PPP6R2: variants seen among roughly 807,000 people sequenced by gnomAD.
The protein encoded by PPP6R2 is protein phosphatase 6 regulatory subunit 2.
In PPP6R2, 62 loss-of-function variants were observed where a neutral mutation model predicts 100.2. The ratio of observed to expected loss-of-function variants is 0.62; its 90% CI spans 0.50 to 0.76. The LOEUF (loss-of-function observed/expected upper bound fraction) is 0.76, where lower values mean the gene tolerates loss of function less well. Ranked by LOEUF, PPP6R2 falls within the 30% of genes least tolerant of loss-of-function variation. The probability of loss-of-function intolerance (pLI) is 0.00; values close to 1 mark genes in which losing one functional copy is unlikely to be tolerated. For synonymous variants in PPP6R2, 525 were observed against 514.7 expected (o/e 1.02, Z -0.27); for missense variants, 1,142 against 1,276.3 (o/e 0.89, Z 1.60).
At chr22:50,354,198 A>G (rs2045947555) in intron 1 of PPP6R2, among the ~76,000 whole-genome samples, 5 of 152,072 alleles carry the variant, frequency 3.3e-5, no homozygotes, top group African/African-American at 9.7e-5. Context: ...CCAGCTACTC[A>G]GGAGGCTGAG....
intron 18 of PPP6R2, 40 bp from the exon 19 acceptor site, chr22:50,438,559 G>A (rs201126502): frequency 9.8e-5 from 157 of 1,608,476 alleles, no homozygotes; most frequent in Admixed American, 1.2e-4. Flanking sequence ...TTAGGCGTCC[G>A]TCCTGGGCCA....
At position 50,438,775 on chromosome 22, in the gene PPP6R2, G is replaced by A. The variant is rs781267668; in HGVS notation, c.2128+13G>A. On this transcript the variant is annotated intron_variant, in intron 19 of 23. Transcript: ENST00000612753. ...GGTGACTCAGAAGGTGGTGCTGGGC[G>A]CCAGGGGCTGGGAGTGTGGGTATCG... 1.8e-5 allele frequency: 28 copies of A among 1,580,134 alleles called. No homozygotes were observed. The highest frequency in any genetic ancestry group is 1.7e-4 in the Middle Eastern group (1 of 6,004).
Position 50,394,068 on chromosome 22 carries a change from A to T in PPP6R2, c.160A>T (p.Met54Leu), listed in dbSNP as rs773718006. The change falls in exon 3 of 24, where the codon ATG (methionine) becomes TTG (leucine). Residue 54 changes from methionine (M) to leucine (L), a missense_variant. Around this residue, in one of 2 missense-constraint regions of PPP6R2, gnomAD observed 592 missense variants for 758.9 expected, o/e 0.78. Transcript: ENST00000612753. ...LLDFLCRQQC[M>L]EELVSLITQD... Reference sequence around the variant, plus strand: ...GGACTTCCTGTGCAGGCAGCAGTGCATGGAGGAGCTGGTGAGCCTCATCAC... The same window carrying T: ...GGACTTCCTGTGCAGGCAGCAGTGCTTGGAGGAGCTGGTGAGCCTCATCAC... The T allele has an allele frequency of 6.2e-7, 1 of 1,614,204 alleles. No homozygotes were observed. The highest frequency in any genetic ancestry group is 8.5e-7 in the Non-Finnish European group (1 of 1,180,032).
Position 50,430,644 on chromosome 22 carries a change from C to T in PPP6R2, c.1126-529C>T, listed in dbSNP as rs1487655462. On this transcript the variant is annotated intron_variant, in intron 10 of 23. Transcript: ENST00000612753. ...ATCCCAGCACTTTGGGAGGCGGAGG[C>T]GGGCAGATCACCTGAGGTTGGAAGT... Among the ~76,000 whole-genome samples the T allele has an allele frequency of 3.9e-5, 6 of 152,198 alleles. No individual in the cohort carries two copies. In the East Asian group the frequency reaches 9.7e-4, roughly 25 times the overall value.
chr22:50,404,378 A>ATATAT (rs1380759292), intron 3 of PPP6R2, among the ~76,000 whole-genome samples: 1 of 151,460 alleles, frequency 6.6e-6, no homozygotes, highest in Non-Finnish European at 1.5e-5. Flanking sequence ...TACAGGTGTG[A>ATATAT]GCCACTGCAC....
chr22:50,335,584 A>T, the PPP6R2 span, among the ~76,000 whole-genome samples: 5 of 150,186 alleles, frequency 3.3e-5, no homozygotes, highest in South Asian at 2.1e-4. Context: ...CAATCTCGGC[A>T]CACTGCAACT....
At position 50,425,029 on chromosome 22, in the gene PPP6R2, G is replaced by A. The variant is rs1004983968; in HGVS notation, c.1125+1415G>A. ...AAAATATCATAACATAAACTTGGCT[G>A]TTTTAACTATTTTAAGGTGTGTCAC... On this transcript the variant is annotated intron_variant, in intron 10 of 23. Transcript: ENST00000612753. Among the ~76,000 whole-genome samples, 8 of 152,222 alleles carry A rather than the reference G, an allele frequency of 5.3e-5. No individual in the cohort carries two copies. In the South Asian group the frequency reaches 1.5e-3, roughly 28 times the overall value.
the PPP6R2 span, among the ~76,000 whole-genome samples, chr22:50,338,007 AGTG>A: frequency 8.4e-5 from 8 of 95,692 alleles, no homozygotes; most frequent in Non-Finnish European, 1.6e-4. Context: ...GTGTGGGTAT[AGTG>A]TGTGTGGGGG....
At chr22:50,395,341 A>G (rs1347570685) in intron 3 of PPP6R2, among the ~76,000 whole-genome samples, 1 of 152,092 alleles carries the variant, frequency 6.6e-6, no homozygotes, top group Non-Finnish European at 1.5e-5. Context: ...TTGAGTCAGG[A>G]CAGAAGGGTG....
chr22:50,418,281 G>A (rs2060814979), intron 6 of PPP6R2, among the ~76,000 whole-genome samples: 1 of 152,114 alleles, frequency 6.6e-6, no homozygotes, highest in South Asian at 2.1e-4. Flanking sequence ...ACTCTAACCA[G>A]ATCTACATTT....
intron 5 of PPP6R2, 39 bp downstream of exon 5, chr22:50,414,728 G>A (rs527836000): frequency 1.9e-6 from 3 of 1,594,662 alleles, no homozygotes; most frequent in African/African-American, 2.7e-5. Flanking sequence ...GAGGGCAGGG[G>A]TGCTGCAGGA....
At chr22:50,424,225 C>T (rs765306633) in intron 10 of PPP6R2, among the ~76,000 whole-genome samples, 4 of 152,160 alleles carry the variant, frequency 2.6e-5, no homozygotes, top group Non-Finnish European at 4.4e-5. Context: ...TGTTGGCAGA[C>T]GCAGCCCCCG....
chr22:50,337,982 TA>T, the PPP6R2 span, among the ~76,000 whole-genome samples: 1 of 138,480 alleles, frequency 7.2e-6, no homozygotes, highest in African/African-American at 2.7e-5. Flanking sequence ...GTGTGCTGTG[TA>T]GGGTGTGTAT....
Position 50,423,652 on chromosome 22 carries a change from G to A in PPP6R2, c.1125+38G>A, listed in dbSNP as rs775881728. ...CTCAGCCAGCCCTGCATGTCTGTGA[G>A]TGTGCCGGGCATGGCCTGTGGACTT... On this transcript the variant is annotated intron_variant, in intron 10 of 23. Transcript: ENST00000612753. The surrounding 1 kb of genome is among the most constrained non-coding windows in gnomAD (Gnocchi z 4.8). 1.2e-6 allele frequency: 2 copies of A among 1,611,984 alleles called. No individual in the cohort carries two copies. Among genetic ancestry groups the A allele is most frequent in the East Asian group, 4.5e-5 (2 of 44,786 alleles).
chr22:50,350,667 A>C (rs1312174270), intron 1 of PPP6R2, among the ~76,000 whole-genome samples: 4 of 151,710 alleles, frequency 2.6e-5, no homozygotes. Context: ...AACACGGTGA[A>C]ACCCCGTCTC....
At chr22:50,389,203 C>T (rs1291839170) in intron 2 of PPP6R2, 1 of 152,182 alleles carries the variant, frequency 6.6e-6, no homozygotes, top group Non-Finnish European at 1.5e-5. Context: ...AGTCCTTAAG[C>T]TCTGTTGAGA....
chr22:50,392,998 A>G (rs1259819177), intron 2 of PPP6R2, among the ~76,000 whole-genome samples: 1 of 152,196 alleles, frequency 6.6e-6, no homozygotes, highest in Non-Finnish European at 1.5e-5. Context: ...TCTCACAGTA[A>G]AGTTTTAACT....
chr22:50,331,479 AG>A, the PPP6R2 span, among the ~76,000 whole-genome samples: 1 of 152,160 alleles, frequency 6.6e-6, no homozygotes, highest in East Asian at 1.9e-4. Context: ...CAGCCGTTCG[AG>A]GGGGTCTGCA....
chr22:50,378,500 T>C (rs1371529968), intron 2 of PPP6R2, among the ~76,000 whole-genome samples: 1 of 151,020 alleles, frequency 6.6e-6, no homozygotes, highest in Non-Finnish European at 1.5e-5. Context: ...GCAGGAGAAC[T>C]GCTTGAACCT....
Sources: gnomAD v4.1 joint callset for allele counts (sites outside exome capture counted in the v4.1 genomes callset) on GRCh38, gnomAD v4.1.1 for gene constraint, gnomAD v4.1.1 regional missense constraint, Gnocchi (gnomAD v3.1) non-coding constraint, MANE v1.5 for transcripts, NCBI Gene and HGNC (gene_info 2026-07-23, HGNC 2026-07-21) for gene names.